Variants in LHFPL4 observed in about 807,000 individuals in gnomAD.
LHFPL4 encodes LHFPL tetraspan subfamily member 4.
A neutral mutation model predicts 20.0 loss-of-function variants in LHFPL4; 6 were observed. The ratio of observed to expected loss-of-function variants is 0.30; its 90% CI spans 0.16 to 0.59. The LOEUF is 0.59. LHFPL4 is among the 20% of genes least tolerant of loss of function. LHFPL4 has a pLI of 0.88. For synonymous variants in LHFPL4, 129 were observed against 143.8 expected (o/e 0.90, Z 0.74); for missense variants, 215 against 331.2 (o/e 0.65, Z 2.72).
chr3:9,534,125 G>A (rs909422536), intron 2 of LHFPL4, among the ~76,000 whole-genome samples: 6 of 151,734 alleles, frequency 4.0e-5, no homozygotes, highest in East Asian at 1.9e-4. Context: ...TGGGAGGCAG[G>A]AGAATCATTT....
chr3:9,530,595 C>T (rs1238005507), intron 2 of LHFPL4, among the ~76,000 whole-genome samples: 4 of 152,154 alleles, frequency 2.6e-5, no homozygotes, highest in African/African-American at 9.6e-5. Flanking sequence ...TTTTCTTTCT[C>T]ATCATTCATG....
rs185394249 is a variant in LHFPL4 at position 9,506,488 on chromosome 3, A to G, written c.407-285T>C. On this transcript the variant is annotated intron_variant, in intron 2 of 3. Coordinates refer to ENST00000287585, the MANE Select transcript of LHFPL4 (RefSeq NM_198560.3). The surrounding 1 kb of genome is among the most constrained non-coding windows in gnomAD (Gnocchi z 4.5). ...CAGGAAGCATTCTGGGAATATGAGA[A>G]CATAGCCACCCACAGCCACCTCCTT... 6.6e-6 allele frequency among the ~76,000 whole-genome samples: 1 copy of G among 152,266 alleles called. No homozygotes were observed. The highest frequency in any genetic ancestry group is 2.4e-5 in the African/African-American group (1 of 41,554).
At chr3:9,513,829 G>C (rs906887411) in intron 2 of LHFPL4, among the ~76,000 whole-genome samples, 3 of 152,176 alleles carry the variant, frequency 2.0e-5, no homozygotes, top group Non-Finnish European at 4.4e-5. Flanking sequence ...AAGGTAGACT[G>C]AGTGGTCACC....
At chr3:9,502,810 C>T (rs1182048610) in intron 3 of LHFPL4, among the ~76,000 whole-genome samples, 5 of 152,080 alleles carry the variant, frequency 3.3e-5, no homozygotes, top group African/African-American at 1.2e-4. Flanking sequence ...TTTAACCTCT[C>T]TGAGCCCCGA....
chr3:9,519,941 G>C (rs2046327771), intron 2 of LHFPL4, among the ~76,000 whole-genome samples: 1 of 152,044 alleles, frequency 6.6e-6, no homozygotes, highest in Admixed American at 6.5e-5. Context: ...TTGTAGGTGT[G>C]AGTCACCATC....
chr3:9,504,088 C>G (rs1283622020), intron 3 of LHFPL4, among the ~76,000 whole-genome samples: 1 of 152,048 alleles, frequency 6.6e-6, no homozygotes, highest in Non-Finnish European at 1.5e-5. Context: ...AACTATAACT[C>G]AGCCGGGTGT....
intron 2 of LHFPL4, among the ~76,000 whole-genome samples, chr3:9,509,314 T>TC: frequency 6.7e-6 from 1 of 149,208 alleles, no homozygotes; most frequent in East Asian, 2.1e-4. Context: ...CCTCCCGCTT[T>TC]CCCCTTTATT....
At chr3:9,552,193 C>T in intron 2 of LHFPL4, 81 bp downstream of exon 2, 1 of 1,509,878 alleles carries the variant, frequency 6.6e-7, no homozygotes, top group Admixed American at 2.2e-5. Flanking sequence ...ATCTATCCGA[C>T]TCCTTCAGGA....
intron 2 of LHFPL4, among the ~76,000 whole-genome samples, chr3:9,550,210 A>C (rs1404278685): frequency 6.6e-6 from 1 of 152,190 alleles, no homozygotes; most frequent in Non-Finnish European, 1.5e-5. Flanking sequence ...GCCTGGTGTC[A>C]CTTTATTAAG....
chr3:9,501,841 C>A lies in LHFPL4; in HGVS notation c.*370G>T. The A allele has an allele frequency of 4.6e-6, 1 of 217,330 alleles. No homozygotes were observed. 13.5% of individuals were successfully genotyped at this position (217,330 alleles called of 1,614,324 possible). The stretch of plus-strand genomic sequence containing the variant: ...CAGAAGAGGTGCGGATACAGCCAGG[C>A]GGCAGCCCTCCAGACTGAGGGGGCC... On this transcript the variant is annotated 3_prime_UTR_variant, in exon 4 of 4. Coordinates refer to ENST00000287585, the MANE Select transcript of LHFPL4 (RefSeq NM_198560.3).
chr3:9,539,330 C>A (rs985544539), intron 2 of LHFPL4, among the ~76,000 whole-genome samples: 1 of 151,856 alleles, frequency 6.6e-6, no homozygotes, highest in Non-Finnish European at 1.5e-5. Flanking sequence ...TGGTGGGCGC[C>A]TGTAGTCCCA....
chr3:9,518,763 CTTT>C (rs200085791), intron 2 of LHFPL4, among the ~76,000 whole-genome samples: 1 of 136,338 alleles, frequency 7.3e-6, no homozygotes, highest in Non-Finnish European at 1.6e-5. Context: ...TTGTTCATTT[CTTT>C]TTTTTTTTTT....
intron 2 of LHFPL4, among the ~76,000 whole-genome samples, chr3:9,521,232 C>CT (rs34985785): frequency 0.49 from 68,797 of 139,334 alleles, 17,037 homozygotes; most frequent in African/African-American, 0.53. Context: ...TCTTCTTCTT[C>CT]TTTTTTTTTT....
intron 2 of LHFPL4, among the ~76,000 whole-genome samples, chr3:9,522,986 A>G (rs2046348343): frequency 6.8e-6 from 1 of 146,942 alleles, no homozygotes; most frequent in Non-Finnish European, 1.5e-5. Context: ...GCTTGCAGTG[A>G]GCCGAGATCG....
At chr3:9,525,272 G>T (rs1288395342) in intron 2 of LHFPL4, among the ~76,000 whole-genome samples, 6 of 152,162 alleles carry the variant, frequency 3.9e-5, no homozygotes, top group African/African-American at 1.2e-4. Flanking sequence ...CTAATGACTG[G>T]GTCCCCTGGG....
At chr3:9,519,272 A>C (rs2046323323) in intron 2 of LHFPL4, among the ~76,000 whole-genome samples, 1 of 150,662 alleles carries the variant, frequency 6.6e-6, no homozygotes, top group Non-Finnish European at 1.5e-5. Flanking sequence ...ATGGGGTTTC[A>C]CCATATTGGC....
rs1343955728 is a variant in LHFPL4, at chr3:9,525,097, A to G, written c.407-18894T>C. The stretch of plus-strand genomic sequence containing the variant: ...CTCTCTCTGATAATCCCAGCAGGTT[A>G]GGCTCTAGTCACCTAGTTTCTCCCA... On this transcript the variant is annotated intron_variant, in intron 2 of 3. Coordinates refer to ENST00000287585, the MANE Select transcript of LHFPL4 (RefSeq NM_198560.3). Among the ~76,000 whole-genome samples, 3 of 152,280 alleles carry G rather than the reference A, an allele frequency of 2.0e-5. No homozygotes were observed. In the East Asian group the frequency reaches 5.8e-4, roughly 29 times the overall value.
chr3:9,521,234 T>TC (rs1206830539), intron 2 of LHFPL4, among the ~76,000 whole-genome samples: 5 of 145,702 alleles, frequency 3.4e-5, no homozygotes, highest in Non-Finnish European at 4.6e-5. Context: ...TTCTTCTTCT[T>TC]TTTTTTTTTT....
At chr3:9,517,024 G>A (rs7624475) in intron 2 of LHFPL4, among the ~76,000 whole-genome samples, 46,801 of 151,290 alleles carry the variant, frequency 0.31, 7,629 homozygotes, top group Non-Finnish European at 0.36. Context: ...CAGGTGATCC[G>A]CCTGCCTCAC....
Sources: gnomAD v4.1 joint callset for allele counts (sites outside exome capture counted in the v4.1 genomes callset) on GRCh38, gnomAD v4.1.1 for gene constraint, Gnocchi (gnomAD v3.1) non-coding constraint, MANE v1.5 for transcripts, NCBI Gene and HGNC (gene_info 2026-07-23, HGNC 2026-07-21) for gene names.